RNF212: variants seen among roughly 807,000 people sequenced by gnomAD.
The protein encoded by RNF212 is ring finger protein 212.
In RNF212, 33 loss-of-function variants were observed where a neutral mutation model predicts 34.7. The observed-to-expected ratio is 0.95, with a 90% CI of 0.72 to 1.27. RNF212 has a LOEUF of 1.27. RNF212 is among the 50% of genes most tolerant of loss of function. The pLI, the probability that RNF212 is intolerant of heterozygous loss-of-function variation, is 0.00. For missense variants in RNF212, 377 were observed against 362.2 expected, an observed-to-expected ratio of 1.04 and a Z score of -0.33; for synonymous variants, 140 against 136.1, an observed-to-expected ratio of 1.03 and a Z score of -0.20.
At chr4:1,083,945 ATTT>A (rs376424627) in intron 5 of RNF212, among the ~76,000 whole-genome samples, 56 of 134,636 alleles carry the variant, frequency 4.2e-4, no homozygotes, top group African/African-American at 6.3e-4. Context: ...CATTTTGTGC[ATTT>A]TTTTTTTTTT....
chr4:1,080,952 C>A (rs898395404), intron 7 of RNF212, among the ~76,000 whole-genome samples: 1 of 152,246 alleles, frequency 6.6e-6, no homozygotes, highest in Non-Finnish European at 1.5e-5. Flanking sequence ...ATGGGGCAGA[C>A]ACAAGCCACA....
chr4:1,099,114 G>C (rs778978231), intron 2 of RNF212, among the ~76,000 whole-genome samples: 4 of 152,172 alleles, frequency 2.6e-5, no homozygotes, highest in Admixed American at 6.5e-5. Context: ...AGTGAGGCCT[G>C]AGCGGGAGAA....
At chr4:1,058,930 G>T (rs556075915) in intron 3 of RNF212, among the ~76,000 whole-genome samples, 3 of 152,216 alleles carry the variant, frequency 2.0e-5, no homozygotes, top group Admixed American at 6.5e-5. Context: ...GAGAACTGCC[G>T]GAAGGGCAAA....
At chr4:1,084,374 G>A (rs562442159) in intron 5 of RNF212, among the ~76,000 whole-genome samples, 8 of 152,144 alleles carry the variant, frequency 5.3e-5, no homozygotes, top group East Asian at 3.8e-4. Flanking sequence ...TAAGGTCTCC[G>A]TTGCAATGCG....
intron 3 of RNF212, among the ~76,000 whole-genome samples, chr4:1,059,213 A>G (rs1717572666): frequency 6.6e-6 from 1 of 152,234 alleles, no homozygotes; most frequent in Admixed American, 6.5e-5. Flanking sequence ...CGTGCCCCCG[A>G]CAGGGGTCTT....
chr4:1,075,372 T>A (rs1719115619), intron 8 of RNF212, among the ~76,000 whole-genome samples: 1 of 152,210 alleles, frequency 6.6e-6, no homozygotes, highest in African/African-American at 2.4e-5. Flanking sequence ...ACAGGAAGCA[T>A]GGCAACAGCT....
Position 1,072,645 on chromosome 4 carries a change from C to A in RNF212, c.*229G>T. 4 of 1,109,900 alleles carry A rather than the reference C, an allele frequency of 3.6e-6. No individual in the cohort carries two copies. Among genetic ancestry groups the A allele is most frequent in the African/African-American group, 1.6e-5 (1 of 61,514 alleles). The allele number at this position is 1,109,900 out of a possible 1,614,324, so 68.8% of individuals were successfully genotyped here. A position where few individuals can be genotyped will look rare whatever the true frequency, so the allele number is the denominator to read the frequency against. On this transcript the variant is annotated 3_prime_UTR_variant, in exon 10 of 10. Coordinates refer to ENST00000433731, the MANE Select transcript of RNF212 (RefSeq NM_001131034.4). The stretch of plus-strand genomic sequence containing the variant: ...AAAAAAACTCCCTAAGCATGAGAAC[C>A]TATAAAATAAAAGGGATAATAACAA...
chr4:1,079,454 G>C (rs1326401169), intron 8 of RNF212, among the ~76,000 whole-genome samples, 189 bp downstream of exon 8: 3 of 152,260 alleles, frequency 2.0e-5, no homozygotes, highest in African/African-American at 4.8e-5. Flanking sequence ...GGCAGAACAG[G>C]AGCGTTCTCA....
chr4:1,110,224 A>AC (rs1398880101), intron 1 of RNF212, among the ~76,000 whole-genome samples: 1 of 152,184 alleles, frequency 6.6e-6, no homozygotes, highest in Admixed American at 6.5e-5. Flanking sequence ...AGAAAGAAAC[A>AC]CCTCAATAAA....
intron 3 of RNF212, chr4:1,094,126 G>A (rs1185757254): frequency 3.1e-6 from 4 of 1,280,148 alleles, no homozygotes; most frequent in Non-Finnish European, 4.2e-6. Context: ...AGAGTGCCAT[G>A]CAGGGGTCCA....
chr4:1,057,737 G>A (rs1717429636), intron 4 of RNF212, among the ~76,000 whole-genome samples: 1 of 151,664 alleles, frequency 6.6e-6, no homozygotes. Flanking sequence ...TTTAGCAACA[G>A]GGCAAATGCC....
At chr4:1,061,140 T>A (rs1717724086) in intron 3 of RNF212, among the ~76,000 whole-genome samples, 1 of 152,178 alleles carries the variant, frequency 6.6e-6, no homozygotes, top group South Asian at 2.1e-4. Context: ...CTTCCCAGCC[T>A]GAGGGTGAAT....
chr4:1,073,522 G>T, intron 9 of RNF212, 77 bp downstream of exon 9: 3 of 1,147,090 alleles, frequency 2.6e-6, no homozygotes, highest in Non-Finnish European at 2.6e-6. Context: ...TGACAGCTTT[G>T]ATTAAACATG....
At chr4:1,098,127 C>A (rs964322477) in intron 2 of RNF212, among the ~76,000 whole-genome samples, 1 of 152,088 alleles carries the variant, frequency 6.6e-6, no homozygotes, top group African/African-American at 2.4e-5. Context: ...ACCAGAATGA[C>A]AAGATGTAGG....
chr4:1,090,375 T>G (rs1229486669), intron 4 of RNF212, among the ~76,000 whole-genome samples: 1 of 152,192 alleles, frequency 6.6e-6, no homozygotes, highest in African/African-American at 2.4e-5. Context: ...GGTTCCCTTG[T>G]CTTTAAAGCT....
intron 3 of RNF212, among the ~76,000 whole-genome samples, chr4:1,063,571 C>T (rs192495486): frequency 4.0e-5 from 6 of 151,856 alleles, no homozygotes; most frequent in Admixed American, 2.0e-4. Context: ...TGTGGTGGTG[C>T]GCACCTGTAA....
chr4:1,069,852 A>G (rs1707179796), downstream of RNF212, among the ~76,000 whole-genome samples: 2 of 152,266 alleles, frequency 1.3e-5, no homozygotes, highest in South Asian at 4.1e-4. Context: ...GAGAGAGAAG[A>G]GATGTTACAG....
At position 1,072,986 on chromosome 4, in the gene RNF212, C is replaced by A; in HGVS notation, c.782G>T (p.Arg261Met). The part of the protein sequence containing the change: ...KTLPIYAEVQ[R>M]AVLFPFQQAE... ...CTGCTGGAACGGAAACAAGACGGCC[C>A]TTTGTACCTCAGCATATATTGGAAG... The change falls in exon 10 of 10, where the codon AGG becomes ATG. Residue 261 changes from arginine to methionine, a missense_variant. Physicochemically the swap from Arg to Met is moderately conservative, Grantham distance 91. Coordinates refer to ENST00000433731, the MANE Select transcript of RNF212 (RefSeq NM_001131034.4). The A allele has an allele frequency of 6.2e-7, 1 of 1,614,168 alleles. No homozygotes were observed. The highest frequency in any genetic ancestry group is 8.5e-7 in the Non-Finnish European group (1 of 1,180,042).
At chr4:1,082,217 A>T (rs1720468448) in intron 5 of RNF212, among the ~76,000 whole-genome samples, 1 of 152,222 alleles carries the variant, frequency 6.6e-6, no homozygotes, top group African/African-American at 2.4e-5. Context: ...TTACTTGGTC[A>T]CGTTTTCCAG....
Sources: allele counts gnomAD v4.1 joint callset (sites outside exome capture counted in the v4.1 genomes callset), GRCh38; gene constraint gnomAD v4.1.1; transcripts MANE v1.5; gene names NCBI Gene and HGNC (gene_info 2026-07-23, HGNC 2026-07-21).